CPQ: variants seen among roughly 807,000 people sequenced by gnomAD.
CPQ encodes carboxypeptidase Q.
Under a neutral mutation model 45.7 loss-of-function variants are expected in CPQ, and 37 were observed. That is an observed-to-expected ratio of 0.81 (90% CI 0.62 to 1.07). The LOEUF is 1.07. Ranked by LOEUF, CPQ falls within the 50% of genes least tolerant of loss-of-function variation. The pLI is 0.00. For missense variants in CPQ, 537 were observed against 572.9 expected (o/e 0.94, Z 0.64); for synonymous variants, 186 against 205.8 (o/e 0.90, Z 0.82).
chr8:96,659,042 G>T (rs751191816), intron 1 of CPQ, among the ~76,000 whole-genome samples: 2 of 152,190 alleles, frequency 1.3e-5, no homozygotes, highest in African/African-American at 2.4e-5. Context: ...TGTTGTAAGG[G>T]TTAGGAAATG....
intron 7 of CPQ, among the ~76,000 whole-genome samples, chr8:97,122,963 AAATAAAATAAAATAAAATTAAAAT>A: frequency 1.2e-5 from 1 of 85,358 alleles, no homozygotes; most frequent in African/African-American, 6.3e-5. Context: ...AAATAAAATA[AAATAAAATAAAATAAAATTAAAAT>A]AAAATAAAAT....
In CPQ at chr8:96,669,278, G is replaced by A. The variant is rs192884318; in HGVS notation, c.-35+23876G>A. On this transcript the variant is annotated intron_variant, in intron 1 of 7. Transcript: ENST00000220763. Reference sequence around the variant, plus strand: ...AGAGGAGATCTAGTGGACTTTTACCGTTTCCCAGAAGTATTGAGGCCATCT... The same window carrying A: ...AGAGGAGATCTAGTGGACTTTTACCATTTCCCAGAAGTATTGAGGCCATCT... 3.3e-5 allele frequency among the ~76,000 whole-genome samples: 5 copies of A among 152,290 alleles called. No homozygotes were observed. The East Asian group carries it at 5.8e-4, about 18-fold the overall frequency.
chr8:96,841,568 C>T (rs1355680734), intron 3 of CPQ, among the ~76,000 whole-genome samples: 1 of 152,178 alleles, frequency 6.6e-6, no homozygotes, highest in Non-Finnish European at 1.5e-5. Flanking sequence ...AAGCAAAAGA[C>T]TTTCTCTTCA....
chr8:96,762,219 C>T (rs777284341), intron 1 of CPQ, among the ~76,000 whole-genome samples: 8 of 152,046 alleles, frequency 5.3e-5, no homozygotes, highest in Non-Finnish European at 1.0e-4. Context: ...AGTTCATGTT[C>T]TTATCTTTTA....
intron 5 of CPQ, among the ~76,000 whole-genome samples, chr8:96,968,881 C>T (rs3802194): frequency 0.077 from 11,710 of 152,214 alleles, 864 homozygotes; most frequent in African/African-American, 0.19. Context: ...CAGTCTTTCC[C>T]GAGTAACTGT....
intron 1 of CPQ, among the ~76,000 whole-genome samples, chr8:96,765,881 C>T (rs1040838606): frequency 1.1e-4 from 17 of 152,130 alleles, no homozygotes; most frequent in Non-Finnish European, 2.2e-4. Flanking sequence ...TTCAATGAAC[C>T]TTTGGTCTAG....
chr8:96,827,327 C>G (rs1811392965), intron 2 of CPQ, among the ~76,000 whole-genome samples: 1 of 151,992 alleles, frequency 6.6e-6, no homozygotes, highest in African/African-American at 2.4e-5. Flanking sequence ...CCATCACTTC[C>G]TCTGTACTCT....
At chr8:96,964,173 T>TAC (rs71267285) in intron 4 of CPQ, among the ~76,000 whole-genome samples, 7,406 of 133,316 alleles carry the variant, frequency 0.056, 328 homozygotes, top group African/African-American at 0.13. Context: ...GGTTAAAGTA[T>TAC]ACACACACAC....
At chr8:96,649,933 C>A (rs909166056) in intron 1 of CPQ, among the ~76,000 whole-genome samples, 1 of 152,086 alleles carries the variant, frequency 6.6e-6, no homozygotes, top group Admixed American at 6.5e-5. Context: ...CCAGGAGAAA[C>A]TGAAAAAGAG....
intron 1 of CPQ, among the ~76,000 whole-genome samples, chr8:96,783,499 C>T (rs1352795848): frequency 2.6e-5 from 4 of 152,080 alleles, no homozygotes; most frequent in Non-Finnish European, 5.9e-5. Context: ...CTGCAATAAA[C>T]ATTAGTTTAT....
chr8:96,659,476 T>A (rs1815674283), intron 1 of CPQ, among the ~76,000 whole-genome samples: 1 of 152,244 alleles, frequency 6.6e-6, no homozygotes, highest in Non-Finnish European at 1.5e-5. Context: ...ACATGAGTGC[T>A]GACTTCCGAG....
At chr8:97,121,113 A>C (rs1811694438) in intron 7 of CPQ, among the ~76,000 whole-genome samples, 1 of 139,766 alleles carries the variant, frequency 7.2e-6, no homozygotes, top group African/African-American at 2.4e-5. Context: ...TTTGCTACTA[A>C]ATAGTTACAG....
chr8:96,986,863 A>G (rs947036025), intron 5 of CPQ, among the ~76,000 whole-genome samples: 33 of 152,174 alleles, frequency 2.2e-4, no homozygotes, highest in African/African-American at 7.7e-4. Context: ...ATAGGGAGAA[A>G]AAGGCATTAA....
intron 6 of CPQ, among the ~76,000 whole-genome samples, chr8:97,065,578 A>T (rs1226785298): frequency 6.6e-6 from 1 of 152,160 alleles, no homozygotes; most frequent in Non-Finnish European, 1.5e-5. Flanking sequence ...TAGAGGAAAG[A>T]GGTGCAAAGA....
chr8:96,917,175 C>T (rs1812744842), intron 4 of CPQ, among the ~76,000 whole-genome samples: 1 of 152,020 alleles, frequency 6.6e-6, no homozygotes, highest in Non-Finnish European at 1.5e-5. Context: ...AACAAGATGG[C>T]ATTATACTCC....
chr8:97,123,985 C>A (rs1240987385), intron 7 of CPQ, among the ~76,000 whole-genome samples: 10 of 151,710 alleles, frequency 6.6e-5, no homozygotes. Context: ...TAAATTCACT[C>A]GCCGAGGTGG....
chr8:96,786,335 T>C (rs1400349002), intron 2 of CPQ, among the ~76,000 whole-genome samples: 1 of 152,182 alleles, frequency 6.6e-6, no homozygotes, highest in Admixed American at 6.6e-5. Flanking sequence ...GGTTCATCTA[T>C]GTTGTCACAT....
At chr8:97,008,080 C>T (rs916873133) in intron 5 of CPQ, among the ~76,000 whole-genome samples, 1 of 152,048 alleles carries the variant, frequency 6.6e-6, no homozygotes, top group Non-Finnish European at 1.5e-5. Context: ...TGAACTATCG[C>T]CTCTTGTTTG....
chr8:96,708,732 C>A (rs1213923955), intron 1 of CPQ, among the ~76,000 whole-genome samples: 1 of 152,058 alleles, frequency 6.6e-6, no homozygotes, highest in Non-Finnish European at 1.5e-5. Flanking sequence ...TATCACCTAG[C>A]CTTTACAATC....
Sources: gnomAD v4.1 joint callset for allele counts (sites outside exome capture counted in the v4.1 genomes callset) on GRCh38, gnomAD v4.1.1 for gene constraint, MANE v1.5 for transcripts, NCBI Gene and HGNC (gene_info 2026-07-23, HGNC 2026-07-21) for gene names.